The following TENT5A variants were observed in gnomAD, a reference collection of about 807,000 sequenced individuals.
TENT5A encodes terminal nucleotidyltransferase 5A, also known as HBV X-transactivated gene 11 protein.
TENT5A carries 9 observed loss-of-function variants against 30.2 expected under a neutral mutation model. The ratio of observed to expected loss-of-function variants is 0.30; its 90% CI spans 0.18 to 0.52. The LOEUF (loss-of-function observed/expected upper bound fraction) is 0.52. Among genes scored for constraint, TENT5A ranks in the 20% least tolerant of loss-of-function variants. The probability of loss-of-function intolerance (pLI) is 0.97; values close to 1 mark genes in which losing one functional copy is unlikely to be tolerated. For missense variants in TENT5A, 411 were observed against 566.1 expected (o/e 0.73, Z 2.78); for synonymous variants, 264 against 234.2 (o/e 1.13, Z -1.16).
In TENT5A at chr6:81,746,306, T is replaced by C. The variant is rs1291004698; in HGVS notation, c.*3389A>G. The C allele has an allele frequency of 4.1e-6, 5 of 1,215,742 alleles. No individual in the cohort carries two copies. The highest frequency in any genetic ancestry group is 8.6e-5 in the South Asian group (2 of 23,348). 75.3% of individuals were successfully genotyped at this position (1,215,742 alleles called of 1,614,324 possible). The stretch of plus-strand genomic sequence containing the variant: ...TAATACATTTCATTTACAAAATAGT[T>C]CACAATATTTATTTAACAAGCGTTG... On this transcript the variant is annotated 3_prime_UTR_variant, in exon 3 of 3. Transcript: ENST00000320172.
intron 2 of TENT5A, 105 bp downstream of exon 2, chr6:81,751,485 T>G (rs1357595486): frequency 1.7e-5 from 18 of 1,090,820 alleles, no homozygotes; most frequent in Non-Finnish European, 2.4e-5. Flanking sequence ...CCCAAACTCG[T>G]GATGGCCACA....
rs2127726878 is a variant in TENT5A, at chr6:81,751,859, G to A, written c.283C>T (p.Leu95=). 1.2e-6 allele frequency: 2 copies of A among 1,613,116 alleles called. No homozygotes were observed. Among genetic ancestry groups the A allele is most frequent in the South Asian group, 2.2e-5 (2 of 91,086 alleles). ...HGRGNFPTLE[L]QPSLIVKVVR... is the part of the protein sequence containing the mutation. ...ACCTTCACGATCAGGCTCGGCTGCA[G>A]CTCGAGCGTGGGGAAGTTGCCGCGC... The change falls in exon 2 of 3, where the codon CTG becomes TTG. Residue 95 remains leucine, a synonymous_variant. Coordinates refer to ENST00000320172, the MANE Select transcript of TENT5A (RefSeq NM_017633.3).
chr6:81,749,592 C>T lies in TENT5A; in HGVS notation c.*103G>A. On this transcript the variant is annotated 3_prime_UTR_variant, in exon 3 of 3. Coordinates refer to ENST00000320172, the MANE Select transcript of TENT5A (RefSeq NM_017633.3). ...GAGCATATCATCATTGCACAAAACA[C>T]ATCCCTAATAAGGGCTGGATCACTC... The T allele has an allele frequency of 6.8e-7, 1 of 1,479,540 alleles. No individual in the cohort carries two copies. The highest frequency in any genetic ancestry group is 8.9e-7 in the Non-Finnish European group (1 of 1,120,308). The allele number at this position is 1,479,540 out of a possible 1,614,324, so 91.7% of individuals were successfully genotyped here.
Position 81,746,440 on chromosome 6 carries a change from C to T in TENT5A, c.*3255G>A, listed in dbSNP as rs1581987573. 9 of 1,231,798 alleles carry T rather than the reference C, an allele frequency of 7.3e-6. No homozygotes were observed. The East Asian group carries it at 9.5e-5, about 13-fold the overall frequency. The allele number at this position is 1,231,798 out of a possible 1,614,324, so 76.3% of individuals were successfully genotyped here. A position where few individuals can be genotyped will look rare whatever the true frequency, so the allele number is the denominator to read the frequency against. ...ATTTCCTTCCTTGGTTTGGATTACA[C>T]ATATTCTTCCATCCTTGCATTTTTG... On this transcript the variant is annotated 3_prime_UTR_variant, in exon 3 of 3. Transcript: ENST00000320172.
In TENT5A at chr6:81,752,121, G is replaced by C. The variant is rs766409806; in HGVS notation, c.21C>G (p.Tyr7Ter). Residue 7 changes from tyrosine to a stop codon, truncating the protein, a stop_gained, in exon 2 of 3, where the codon TAC (tyrosine) becomes TAG (stop). Transcript: ENST00000320172. LOFTEE classifies it high-confidence loss of function. MAEGEG[Y>*]FAMSEDELAC... is the part of the protein sequence containing the mutation. ...CCAGCTCGTCCTCAGACATGGCGAA[G>C]TACCCTTCACCCTCCGCCATGTAGT... The C allele has an allele frequency of 1.3e-6, 2 of 1,568,984 alleles. No individual in the cohort carries two copies. The highest frequency in any genetic ancestry group is 2.3e-5 in the South Asian group (2 of 86,276).
Position 81,746,747 on chromosome 6 carries a change from G to A in TENT5A, c.*2948C>T, listed in dbSNP as rs1187051403. 4 of 1,221,638 alleles carry A rather than the reference G, an allele frequency of 3.3e-6. No individual in the cohort carries two copies. The East Asian group carries it at 1.3e-4, about 39-fold the overall frequency. 75.7% of individuals were successfully genotyped at this position (1,221,638 alleles called of 1,614,324 possible). On this transcript the variant is annotated 3_prime_UTR_variant, in exon 3 of 3. Coordinates refer to ENST00000320172, the MANE Select transcript of TENT5A (RefSeq NM_017633.3). ...GGAAACAAATCACAGGCGCTAATAG[G>A]GAGTCGGGAGCTGTTCTTTTCTCTG...
Position 81,749,585 on chromosome 6 carries a change from C to T in TENT5A, c.*110G>A, listed in dbSNP as rs1020177515. 1 of 1,467,426 alleles carries T rather than the reference C, an allele frequency of 6.8e-7. No homozygotes were observed. The highest frequency in any genetic ancestry group is 1.4e-5 in the African/African-American group (1 of 70,376). The allele number at this position is 1,467,426 out of a possible 1,614,324, so 90.9% of individuals were successfully genotyped here. A position where few individuals can be genotyped will look rare whatever the true frequency, so the allele number is the denominator to read the frequency against. ...AAACCAGGAGCATATCATCATTGCA[C>T]AAAACACATCCCTAATAAGGGCTGG... On this transcript the variant is annotated 3_prime_UTR_variant, in exon 3 of 3. Transcript: ENST00000320172.
At position 81,752,042 on chromosome 6, in the gene TENT5A, C is replaced by CTAGG. The variant is rs1562143290; in HGVS notation, c.99_100insCCTA (p.Gly34ProfsTer161). 1 of 1,601,758 alleles carries CTAGG rather than the reference C, an allele frequency of 6.2e-7. No homozygotes were observed. Among genetic ancestry groups the CTAGG allele is most frequent in the Non-Finnish European group, 8.5e-7 (1 of 1,175,094 alleles). On this transcript the variant is annotated frameshift_variant, in exon 2 of 3. Coordinates refer to ENST00000320172, the MANE Select transcript of TENT5A (RefSeq NM_017633.3). LOFTEE classifies it high-confidence loss of function. ...AAGTCGCCGCCGCCGAAGTCGCCGCCGCCGAAGTCGCCGCCGCCGAAGTCG... is the reference window on the plus strand; with the variant it reads ...AAGTCGCCGCCGCCGAAGTCGCCGCCTAGGGCCGAAGTCGCCGCCGCCGAAGTCG...
Position 81,748,730 on chromosome 6 carries a change from A to C in TENT5A, c.*965T>G. ...AGATCAACAAATGTTAACTTTATAC[A>C]AGTATTTGCAAGAAAAAATAGGGCA... On this transcript the variant is annotated 3_prime_UTR_variant, in exon 3 of 3. Coordinates refer to ENST00000320172, the MANE Select transcript of TENT5A (RefSeq NM_017633.3). The C allele has an allele frequency of 1.0e-6, 1 of 985,334 alleles. No individual in the cohort carries two copies. The highest frequency in any genetic ancestry group is 6.1e-5 in the Admixed American group (1 of 16,288). The allele number at this position is 985,334 out of a possible 1,614,324, so 61.0% of individuals were successfully genotyped here.
In TENT5A at chr6:81,752,103, G is replaced by A. The variant is rs765096024; in HGVS notation, c.39C>T (p.Asp13=). Residue 13 remains aspartate, a synonymous_variant, in exon 2 of 3, where the codon GAC becomes GAT. Transcript: ENST00000320172. ...GGATGTAGGGGCTGCAGGCCAGCTC[G>A]TCCTCAGACATGGCGAAGTACCCTT... ...EGEGYFAMSE[D]ELACSPYIPL... 4 of 1,522,940 alleles carry A rather than the reference G, an allele frequency of 2.6e-6. No individual in the cohort carries two copies. Among genetic ancestry groups the A allele is most frequent in the Non-Finnish European group, 3.5e-6 (4 of 1,135,426 alleles). The allele number at this position is 1,522,940 out of a possible 1,614,324, so 94.3% of individuals were successfully genotyped here. A position where few individuals can be genotyped will look rare whatever the true frequency, so the allele number is the denominator to read the frequency against.
rs768812635 is a variant in TENT5A at position 81,749,841 on chromosome 6, T to C, written c.1183A>G (p.Ile395Val). 1 of 1,614,156 alleles carries C rather than the reference T, an allele frequency of 6.2e-7. No homozygotes were observed. Among genetic ancestry groups the C allele is most frequent in the Admixed American group, 1.7e-5 (1 of 60,024 alleles). ...CAAGTGACATTAGCCACATTAGGAA[T>C]GACATTTTGGTCAGCTAACACCCGG... ...AIRVLADQNV[I>V]PNVANVTCYY... is the part of the protein sequence containing the mutation. Residue 395 changes from isoleucine (I) to valine (V), a missense_variant, in exon 3 of 3, where the codon ATT becomes GTT. Physicochemically the swap from Ile to Val is conservative, Grantham distance 29 (BLOSUM62 3). Around this residue, in one of 5 missense-constraint regions of TENT5A, gnomAD observed 75 missense variants for 80.9 expected, o/e 0.93. Transcript: ENST00000320172.
intron 1 of TENT5A, 48 bp from the exon 2 acceptor site, chr6:81,752,226 A>G: frequency 1.6e-6 from 2 of 1,254,774 alleles, no homozygotes; most frequent in African/African-American, 2.2e-5. Context: ...GGCGGCGGAG[A>G]GCACGCGCGG....
Position 81,745,974 on chromosome 6 carries a change from G to C in TENT5A, c.*3721C>G. 1.0e-6 allele frequency: 1 copy of C among 985,842 alleles called. No individual in the cohort carries two copies. Among genetic ancestry groups the C allele is most frequent in the Non-Finnish European group, 1.2e-6 (1 of 829,934 alleles). 61.1% of individuals were successfully genotyped at this position (985,842 alleles called of 1,614,324 possible). Reference sequence around the variant, plus strand: ...GGCATGATTGTAGAGAGGTTGGAGGGAGAGACAGCCAGCAGGCAGAGCCTC... The same window carrying C: ...GGCATGATTGTAGAGAGGTTGGAGGCAGAGACAGCCAGCAGGCAGAGCCTC... On this transcript the variant is annotated 3_prime_UTR_variant, in exon 3 of 3. Coordinates refer to ENST00000320172, the MANE Select transcript of TENT5A (RefSeq NM_017633.3).
Position 81,747,127 on chromosome 6 carries a change from T to C in TENT5A, c.*2568A>G, listed in dbSNP as rs1768901034. On this transcript the variant is annotated 3_prime_UTR_variant, in exon 3 of 3. Transcript: ENST00000320172. ...ACAGCAGGTTATTGTTATGGCAGAG[T>C]CAGAGACCTCCAGACTCTTTAAAAT... 1.0e-6 allele frequency: 1 copy of C among 985,098 alleles called. No individual in the cohort carries two copies. The highest frequency in any genetic ancestry group is 5.2e-4 in the Middle Eastern group (1 of 1,936). 61.0% of individuals were successfully genotyped at this position (985,098 alleles called of 1,614,324 possible).
In TENT5A at chr6:81,749,574, T is replaced by C. The variant is rs953215653; in HGVS notation, c.*121A>G. On this transcript the variant is annotated 3_prime_UTR_variant, in exon 3 of 3. Transcript: ENST00000320172. ...TGCCAAACTTAAAACCAGGAGCATATCATCATTGCACAAAACACATCCCTA... is the reference window on the plus strand; with the variant it reads ...TGCCAAACTTAAAACCAGGAGCATACCATCATTGCACAAAACACATCCCTA... The C allele has an allele frequency of 2.8e-6, 4 of 1,434,616 alleles. No homozygotes were observed. The highest frequency in any genetic ancestry group is 3.6e-6 in the Non-Finnish European group (4 of 1,096,746). 88.9% of individuals were successfully genotyped at this position (1,434,616 alleles called of 1,614,324 possible).
Position 81,750,289 on chromosome 6 carries a change from T to C in TENT5A, c.735A>G (p.Glu245=). Residue 245 remains glutamate (E), a synonymous_variant, in exon 3 of 3, where the codon GAA becomes GAG. Transcript: ENST00000320172. The surrounding 1 kb of genome is among the most constrained non-coding windows in gnomAD (Gnocchi z 4.2). ...TCTCAGTCATTGGGTTCTCTGAACA[T>C]TCATAAAAGAGCAGAAGAGAGTCTA... ...IKLDSLLLFY[E]CSENPMTETF... 6.2e-7 allele frequency: 1 copy of C among 1,613,980 alleles called. No homozygotes were observed. Among genetic ancestry groups the C allele is most frequent in the Non-Finnish European group, 8.5e-7 (1 of 1,179,982 alleles).
Position 81,745,884 on chromosome 6 carries a change from A to G in TENT5A, c.*3811T>C, listed in dbSNP as rs1768872629. On this transcript the variant is annotated 3_prime_UTR_variant, in exon 3 of 3. Transcript: ENST00000320172. Reference sequence around the variant, plus strand: ...TCCTTTTCTGCCTGTGACGCAGCCTATAGTCAAAATATTCCAAAAGAGTGA... The same window carrying G: ...TCCTTTTCTGCCTGTGACGCAGCCTGTAGTCAAAATATTCCAAAAGAGTGA... The G allele has an allele frequency of 1.0e-6, 1 of 985,722 alleles. No individual in the cohort carries two copies. Among genetic ancestry groups the G allele is most frequent in the South Asian group, 4.7e-5 (1 of 21,288 alleles). 61.1% of individuals were successfully genotyped at this position (985,722 alleles called of 1,614,324 possible). A position where few individuals can be genotyped will look rare whatever the true frequency, so the allele number is the denominator to read the frequency against.
At position 81,746,704 on chromosome 6, in the gene TENT5A, G is replaced by A. The variant is rs574270830; in HGVS notation, c.*2991C>T. 4.9e-6 allele frequency: 6 copies of A among 1,227,600 alleles called. No homozygotes were observed. The highest frequency in any genetic ancestry group is 1.6e-5 in the African/African-American group (1 of 64,422). The allele number at this position is 1,227,600 out of a possible 1,614,324, so 76.0% of individuals were successfully genotyped here. A position where few individuals can be genotyped will look rare whatever the true frequency, so the allele number is the denominator to read the frequency against. ...CCTGGTTTAAAGAAACAGCACACTA[G>A]GCCAGATAAACACAAAAGGAAACAA... On this transcript the variant is annotated 3_prime_UTR_variant, in exon 3 of 3. Transcript: ENST00000320172.
Position 81,752,615 on chromosome 6 carries a change from G to T in TENT5A, c.-222C>A. On this transcript the variant is annotated 5_prime_UTR_variant, in exon 1 of 3. Coordinates refer to ENST00000320172, the MANE Select transcript of TENT5A (RefSeq NM_017633.3). ...CCTGCGCCGCTGCCACCCCAGCTGC[G>T]GTGGTCCCGAACTGGCGGCTCTTGC... is the stretch of plus-strand genomic sequence containing the variant. 1.4e-6 allele frequency: 1 copy of T among 733,744 alleles called. No homozygotes were observed. The highest frequency in any genetic ancestry group is 2.5e-6 in the Non-Finnish European group (1 of 400,224). 45.5% of individuals were successfully genotyped at this position (733,744 alleles called of 1,614,324 possible).
Sources: allele counts gnomAD v4.1 joint callset, GRCh38; gene constraint gnomAD v4.1.1; regional missense constraint gnomAD v4.1.1; non-coding constraint Gnocchi (gnomAD v3.1); transcripts MANE v1.5; gene names NCBI Gene and HGNC (gene_info 2026-07-23, HGNC 2026-07-21).